The following ZDHHC11B variants were observed in gnomAD, a reference collection of about 807,000 sequenced individuals.
ZDHHC11B encodes zDHHC palmitoyltransferase 11B (putative).
Under a neutral mutation model 42.3 loss-of-function variants are expected in ZDHHC11B, and 17 were observed. That is an observed-to-expected ratio of 0.40 (90% confidence interval 0.27 to 0.60). The LOEUF (loss-of-function observed/expected upper bound fraction) is 0.60, where lower values mean the gene tolerates loss of function less well. Ranked by LOEUF, ZDHHC11B falls within the 20% of genes least tolerant of loss-of-function variation. ZDHHC11B has a pLI of 0.41. For missense variants in ZDHHC11B, 262 were observed against 463.2 expected (o/e 0.57, Z 3.99); for synonymous variants, 123 against 193.5 (o/e 0.64, Z 3.02).
In ZDHHC11B at chr5:711,438, T is replaced by G. The variant is rs1225851808; in HGVS notation, c.*852A>C. On this transcript the variant is annotated 3_prime_UTR_variant, in exon 14 of 14. Coordinates refer to ENST00000508859, the MANE Select transcript of ZDHHC11B (RefSeq NM_001351303.2). Reference sequence around the variant, plus strand: ...GTGCTGTGCTCCCAATTCCCAGTACTGTGCTCCCATTTCCCAGTGCTGTAT... The same window carrying G: ...GTGCTGTGCTCCCAATTCCCAGTACGGTGCTCCCATTTCCCAGTGCTGTAT... 6.4e-6 allele frequency: 1 copy of G among 156,306 alleles called. No homozygotes were observed. The highest frequency in any genetic ancestry group is 2.4e-5 in the African/African-American group (1 of 41,056). 9.7% of individuals were successfully genotyped at this position (156,306 alleles called of 1,614,324 possible). A position where few individuals can be genotyped will look rare whatever the true frequency, so the allele number is the denominator to read the frequency against.
At chr5:759,904 A>G (rs440838) in intron 4 of ZDHHC11B, among the ~76,000 whole-genome samples, 77,128 of 149,852 alleles carry the variant, frequency 0.51, 15,726 homozygotes, top group East Asian at 0.67. Context: ...GCAAAGCCAC[A>G]TGCTGCTGGC....
chr5:772,312 A>G (rs1354414949), intron 1 of ZDHHC11B, among the ~76,000 whole-genome samples: 1 of 147,834 alleles, frequency 6.8e-6, no homozygotes, highest in Non-Finnish European at 1.5e-5. Flanking sequence ...AGCAAGCAGC[A>G]TGAGATGGCA....
intron 13 of ZDHHC11B, among the ~76,000 whole-genome samples, chr5:716,087 T>A (rs1313909711): frequency 6.6e-6 from 1 of 150,602 alleles, no homozygotes; most frequent in African/African-American, 2.5e-5. Context: ...CAGCTTGCTT[T>A]GCCTTGGAAA....
At chr5:777,919 G>T (rs1053595718) in intron 1 of ZDHHC11B, among the ~76,000 whole-genome samples, 1 of 151,840 alleles carries the variant, frequency 6.6e-6, no homozygotes, top group Non-Finnish European at 1.5e-5. Context: ...GCGGGGGAGG[G>T]GGGGCGTGGC....
chr5:730,541 A>G, intron 11 of ZDHHC11B, 73 bp from the exon 12 acceptor site: 1 of 1,461,336 alleles, frequency 6.8e-7, no homozygotes, highest in Non-Finnish European at 9.1e-7. Flanking sequence ...TTCTTAAACA[A>G]AATTCAAGTT....
chr5:732,602 T>C, intron 11 of ZDHHC11B: 1 of 447,162 alleles, frequency 2.2e-6, no homozygotes, highest in Non-Finnish European at 4.5e-6. Context: ...GGGTGATCCA[T>C]TTTCATTTCC....
intron 1 of ZDHHC11B, among the ~76,000 whole-genome samples, chr5:772,041 G>A (rs369888286): frequency 0.11 from 13,965 of 132,550 alleles, 10 homozygotes; most frequent in African/African-American, 0.34. Context: ...GACATAAAAC[G>A]TCCTGCCCTC....
chr5:713,834 G>A (rs1296393933), intron 13 of ZDHHC11B, among the ~76,000 whole-genome samples: 330 of 150,604 alleles, frequency 2.2e-3, no homozygotes, highest in African/African-American at 7.9e-3. Context: ...TGAGGGTACC[G>A]CCCTCTGGGG....
chr5:744,775 G>A (rs1277799893), intron 9 of ZDHHC11B, among the ~76,000 whole-genome samples: 2 of 149,138 alleles, frequency 1.3e-5, no homozygotes, highest in Non-Finnish European at 1.5e-5. Context: ...GGAGGCTGAG[G>A]TAGGCAAACT....
At chr5:761,156 C>T (rs1330143566) in intron 4 of ZDHHC11B, among the ~76,000 whole-genome samples, 1 of 151,932 alleles carries the variant, frequency 6.6e-6, no homozygotes, top group African/African-American at 2.4e-5. Flanking sequence ...CGTGGACTGC[C>T]TTGACCACGG....
chr5:727,750 G>A (rs1156371979), intron 12 of ZDHHC11B, among the ~76,000 whole-genome samples: 3 of 135,498 alleles, frequency 2.2e-5, no homozygotes, highest in Admixed American at 7.5e-5. Context: ...TCGAGATAAA[G>A]TAACCTTAGC....
In ZDHHC11B at chr5:748,664, C is replaced by T; in HGVS notation, c.629-105G>A. On this transcript the variant is annotated intron_variant, in intron 7 of 13. Transcript: ENST00000508859. Reference sequence around the variant, plus strand: ...TGCTGGGGATGGGGCGGCGTGGAGACAGCCAGCACGAGGGATGCCTCCCTG... The same window carrying T: ...TGCTGGGGATGGGGCGGCGTGGAGATAGCCAGCACGAGGGATGCCTCCCTG... 4 of 1,188,394 alleles carry T rather than the reference C, an allele frequency of 3.4e-6. 2 individuals are homozygous for T. The highest frequency in any genetic ancestry group is 2.2e-6 in the Non-Finnish European group (2 of 890,422). 73.6% of individuals were successfully genotyped at this position (1,188,394 alleles called of 1,614,324 possible).
chr5:760,948 G>T (rs1734528811), intron 4 of ZDHHC11B, among the ~76,000 whole-genome samples: 1 of 151,654 alleles, frequency 6.6e-6, no homozygotes, highest in Non-Finnish European at 1.5e-5. Flanking sequence ...ACCCCCAGGT[G>T]GTGGAGCAAG....
chr5:759,631 C>T (rs575517922), intron 4 of ZDHHC11B, among the ~76,000 whole-genome samples: 2 of 152,040 alleles, frequency 1.3e-5, no homozygotes, highest in South Asian at 4.1e-4. Context: ...CAGACGCGGG[C>T]ACGCGGGCAC....
chr5:717,493 T>G lies in ZDHHC11B; in HGVS notation c.1059-628A>C, dbSNP rs549381833. Among the ~76,000 whole-genome samples the G allele has an allele frequency of 3.8e-4, 57 of 151,744 alleles. 1 individual carries two copies. The highest frequency in any genetic ancestry group is 1.1e-3 in the African/African-American group (46 of 41,188). On this transcript the variant is annotated intron_variant, in intron 12 of 13. Coordinates refer to ENST00000508859, the MANE Select transcript of ZDHHC11B (RefSeq NM_001351303.2). ...TTAGAGACCAGAAACGCGCAAAATT[T>G]TGCTTTGAAAGATTTTGAAAGACCC...
rs1159301329 is a variant in ZDHHC11B at position 711,565 on chromosome 5, CACTGTGCTCCCATTTCCCAGT to C, written c.*704_*724del. ...CCAAAACTGTGCTCTCATTTCCTAG[CACTGTGCTCCCATTTCCCAGT>C]ACTGTGCTCCCATTTCCCAGTGCCG... On this transcript the variant is annotated 3_prime_UTR_variant, in exon 14 of 14. Coordinates refer to ENST00000508859, the MANE Select transcript of ZDHHC11B (RefSeq NM_001351303.2). 1,134 of 143,662 alleles carry C rather than the reference CACTGTGCTCCCATTTCCCAGT, an allele frequency of 7.9e-3. 17 individuals carry two copies. The highest frequency in any genetic ancestry group is 0.028 in the African/African-American group (1,037 of 36,810). 8.9% of individuals were successfully genotyped at this position (143,662 alleles called of 1,614,324 possible).
chr5:750,810 G>A lies in ZDHHC11B; in HGVS notation c.628+323C>T, dbSNP rs377732327. 1.5e-4 allele frequency among the ~76,000 whole-genome samples: 19 copies of A among 129,860 alleles called. 1 individual carries two copies. The highest frequency in any genetic ancestry group is 4.8e-4 in the African/African-American group (19 of 39,714). 85.2% of individuals were successfully genotyped at this position (129,860 alleles called of 152,430 possible). Reference sequence around the variant, plus strand: ...CTCCCACAGCTACATGGCCCCACAGGATGGTGTGACAGGTGCTACAGGGCT... The same window carrying A: ...CTCCCACAGCTACATGGCCCCACAGAATGGTGTGACAGGTGCTACAGGGCT... On this transcript the variant is annotated intron_variant, in intron 7 of 13. Coordinates refer to ENST00000508859, the MANE Select transcript of ZDHHC11B (RefSeq NM_001351303.2).
chr5:717,457 T>C (rs1490228536), intron 12 of ZDHHC11B, among the ~76,000 whole-genome samples: 2 of 151,640 alleles, frequency 1.3e-5, no homozygotes, highest in African/African-American at 4.9e-5. Flanking sequence ...CAACGCTGAA[T>C]GTGTCAGGAA....
intron 13 of ZDHHC11B, among the ~76,000 whole-genome samples, chr5:716,056 G>A (rs1741727240): frequency 6.6e-6 from 1 of 150,486 alleles, no homozygotes; most frequent in African/African-American, 2.5e-5. Flanking sequence ...GGTACTGAAC[G>A]GTAGACTTCA....
Sources: gnomAD v4.1 joint callset for allele counts (sites outside exome capture counted in the v4.1 genomes callset) on GRCh38, gnomAD v4.1.1 for gene constraint, MANE v1.5 for transcripts, NCBI Gene and HGNC (gene_info 2026-07-23, HGNC 2026-07-21) for gene names.